Variants in FILIP1 observed in about 807,000 individuals in gnomAD.
FILIP1 encodes filamin-A-interacting protein 1.
Under a neutral mutation model 102.1 loss-of-function variants are expected in FILIP1, and 61 were observed. The observed-to-expected ratio is 0.60, with a 90% CI of 0.49 to 0.74. FILIP1 has a LOEUF of 0.74. FILIP1 is among the 30% of genes least tolerant of loss of function. The probability of loss-of-function intolerance (pLI) is 0.00; values close to 1 mark genes in which losing one functional copy is unlikely to be tolerated. For synonymous variants in FILIP1, 491 were observed against 526.9 expected (o/e 0.93, Z 0.93); for missense variants, 1,314 against 1,441.2 (o/e 0.91, Z 1.43).
At chr6:75,456,383 T>C (rs1778826418) in intron 1 of FILIP1, among the ~76,000 whole-genome samples, 1 of 152,186 alleles carries the variant, frequency 6.6e-6, no homozygotes, top group South Asian at 2.1e-4. Context: ...AACAATCTTT[T>C]GGCATCTAGC....
At chr6:75,295,625 T>C (rs1277156504) in exon 7 of FILIP1, 1 of 261,124 alleles carries the variant, frequency 3.8e-6, no homozygotes, top group Non-Finnish European at 7.1e-6. Context: ...CAAAATGTAT[T>C]ATAAAATATA....
At chr6:75,408,164 T>C (rs1285319799) in intron 2 of FILIP1, among the ~76,000 whole-genome samples, 1 of 152,194 alleles carries the variant, frequency 6.6e-6, no homozygotes, top group Non-Finnish European at 1.5e-5. Context: ...TAGAAAGTAA[T>C]TGGTATTGGA....
At chr6:75,407,318 C>T (rs143328617) in intron 2 of FILIP1, among the ~76,000 whole-genome samples, 1 of 152,160 alleles carries the variant, frequency 6.6e-6, no homozygotes, top group African/African-American at 2.4e-5. Flanking sequence ...CTCTGCCTCC[C>T]GGGTTCATGC....
intron 2 of FILIP1, among the ~76,000 whole-genome samples, chr6:75,401,560 A>C (rs980810599): frequency 2.0e-5 from 3 of 152,198 alleles, no homozygotes; most frequent in Admixed American, 6.6e-5. Flanking sequence ...ACATTAAATA[A>C]AATTTAAAAT....
intron 2 of FILIP1, among the ~76,000 whole-genome samples, chr6:75,363,204 G>A (rs1449475654): frequency 6.6e-6 from 1 of 152,048 alleles, no homozygotes; most frequent in Non-Finnish European, 1.5e-5. Context: ...ATGGGGTGGG[G>A]GAGGGAGGCA....
At chr6:75,370,600 G>T (rs1775485992) in intron 2 of FILIP1, among the ~76,000 whole-genome samples, 2 of 115,660 alleles carry the variant, frequency 1.7e-5, no homozygotes, top group African/African-American at 7.1e-5. Flanking sequence ...TTTTGAGACA[G>T]AGTTTTGCTC....
intron 4 of FILIP1, among the ~76,000 whole-genome samples, chr6:75,342,744 G>C (rs983013132): frequency 2.6e-5 from 4 of 152,176 alleles, no homozygotes; most frequent in Non-Finnish European, 5.9e-5. Flanking sequence ...CCAAGTTCCT[G>C]ATCCAAGTCA....
intron 2 of FILIP1, among the ~76,000 whole-genome samples, chr6:75,412,719 A>G (rs1777121426): frequency 6.6e-6 from 1 of 152,194 alleles, no homozygotes; most frequent in Admixed American, 6.5e-5. Flanking sequence ...CAAATCTAAC[A>G]TAGCTAAATC....
chr6:75,465,423 G>T, intron 1 of FILIP1: 1 of 666,122 alleles, frequency 1.5e-6, no homozygotes, highest in Non-Finnish European at 2.6e-6. Context: ...ATGAAGTGGT[G>T]GACCCATTTC....
At chr6:75,465,437 G>A in intron 1 of FILIP1, 1 of 830,734 alleles carries the variant, frequency 1.2e-6, no homozygotes, top group Non-Finnish European at 1.9e-6. Context: ...CCATTTCACT[G>A]ACCCATATCA....
chr6:75,422,744 T>C (rs1777508371), intron 1 of FILIP1, among the ~76,000 whole-genome samples: 1 of 152,344 alleles, frequency 6.6e-6, no homozygotes, highest in Middle Eastern at 3.4e-3. Context: ...CAAAAGCAAC[T>C]GCAGTTTTTG....
At position 75,450,062 on chromosome 6, in the gene FILIP1, C is replaced by G. The variant is rs547902179; in HGVS notation, c.-6-35084G>C. 3.1e-3 allele frequency among the ~76,000 whole-genome samples: 476 copies of G among 152,226 alleles called. 4 individuals are homozygous for G. The highest frequency in any genetic ancestry group is 8.5e-4 in the Non-Finnish European group (58 of 67,982). On this transcript the variant is annotated intron_variant, in intron 1 of 5. Coordinates refer to ENST00000237172, the MANE Select transcript of FILIP1 (RefSeq NM_015687.5). ...TCAAGTGATCCTCCCATCTCAGCTT[C>G]CTGAGTAGGTGGAACTACAGGCGCA...
At chr6:75,466,104 C>G (rs1457008259) in intron 1 of FILIP1, among the ~76,000 whole-genome samples, 1 of 152,160 alleles carries the variant, frequency 6.6e-6, no homozygotes, top group Non-Finnish European at 1.5e-5. Flanking sequence ...TCAAACATTA[C>G]CTGCTCCACG....
Position 75,353,526 on chromosome 6 carries a change from G to C in FILIP1, c.629+13C>G. 1 of 1,613,890 alleles carries C rather than the reference G, an allele frequency of 6.2e-7. No individual in the cohort carries two copies. Among genetic ancestry groups the C allele is most frequent in the Non-Finnish European group, 8.5e-7 (1 of 1,179,892 alleles). Reference sequence around the variant, plus strand: ...GGCATCCAGATGTGACTGGTGGTGTGTGTGCACATTACCTCTCCCGCTCCT... The same window carrying C: ...GGCATCCAGATGTGACTGGTGGTGTCTGTGCACATTACCTCTCCCGCTCCT... On this transcript the variant is annotated intron_variant, in intron 4 of 5. Transcript: ENST00000237172.
Position 75,353,722 on chromosome 6 carries a change from A to G in FILIP1, c.451-5T>C, listed in dbSNP as rs962413310. ...TTTTTCCTCAAGTCTGTCCAGCTGAATAAGCAAACATGGGAAAGGGCTTAA... is the reference window on the plus strand; with the variant it reads ...TTTTTCCTCAAGTCTGTCCAGCTGAGTAAGCAAACATGGGAAAGGGCTTAA... On this transcript the variant is annotated splice_region_variant and splice_polypyrimidine_tract_variant and intron_variant, in intron 3 of 5. Transcript: ENST00000237172. 2 of 1,612,102 alleles carry G rather than the reference A, an allele frequency of 1.2e-6. No homozygotes were observed. Among genetic ancestry groups the G allele is most frequent in the Non-Finnish European group, 1.7e-6 (2 of 1,179,862 alleles).
intron 4 of FILIP1, among the ~76,000 whole-genome samples, chr6:75,343,669 C>A (rs556593293): frequency 6.6e-6 from 1 of 152,274 alleles, no homozygotes; most frequent in African/African-American, 2.4e-5. Flanking sequence ...TCTGTTCTCC[C>A]GTTTAGTTGT....
intron 1 of FILIP1, among the ~76,000 whole-genome samples, chr6:75,421,819 C>T (rs1036643063): frequency 2.6e-5 from 4 of 152,062 alleles, no homozygotes; most frequent in Non-Finnish European, 5.9e-5. Flanking sequence ...CATGCTAGCC[C>T]GTCTACTCCT....
intron 2 of FILIP1, among the ~76,000 whole-genome samples, chr6:75,366,293 C>T (rs1775330762): frequency 6.6e-6 from 1 of 152,202 alleles, no homozygotes; most frequent in South Asian, 2.1e-4. Context: ...CAAATGTAAA[C>T]TGTATCAAGT....
At chr6:75,302,090 CTG>C (rs1383358980) in intron 6 of FILIP1, among the ~76,000 whole-genome samples, 1 of 152,112 alleles carries the variant, frequency 6.6e-6, no homozygotes, top group Non-Finnish European at 1.5e-5. Flanking sequence ...CATGCATGTA[CTG>C]TGTGTTTATA....
Sources: allele counts gnomAD v4.1 joint callset (sites outside exome capture counted in the v4.1 genomes callset), GRCh38; gene constraint gnomAD v4.1.1; transcripts MANE v1.5; gene names NCBI Gene and HGNC (gene_info 2026-07-23, HGNC 2026-07-21).